Variants in INTS9 observed in about 807,000 individuals in gnomAD.
The protein encoded by INTS9 is integrator complex subunit 9.
A neutral mutation model predicts 79.7 loss-of-function variants in INTS9; 55 were observed. The ratio of observed to expected loss-of-function variants is 0.69; its 90% CI spans 0.56 to 0.86. The LOEUF (loss-of-function observed/expected upper bound fraction) is 0.86, where lower values mean the gene tolerates loss of function less well. INTS9 is among the 40% of genes least tolerant of loss of function. INTS9 has a pLI of 0.00. For missense variants in INTS9, 721 were observed against 831.5 expected, an observed-to-expected ratio of 0.87 and a Z score of 1.64; for synonymous variants, 319 against 325.2, an observed-to-expected ratio of 0.98 and a Z score of 0.20.
At chr8:28,777,119 CCT>C (rs1563242863) in intron 13 of INTS9, among the ~76,000 whole-genome samples, 5 of 152,142 alleles carry the variant, frequency 3.3e-5, no homozygotes, top group African/African-American at 9.7e-5. Context: ...TGTGAAAGGG[CCT>C]CTCTCATCCT....
intron 2 of INTS9, among the ~76,000 whole-genome samples, chr8:28,853,875 C>T (rs755053956): frequency 4.6e-5 from 7 of 151,398 alleles, no homozygotes; most frequent in Admixed American, 2.0e-4. Flanking sequence ...CCTGCCACCA[C>T]GCTCGGCTAA....
At chr8:28,812,500 C>A in intron 7 of INTS9, 39 bp from the exon 8 acceptor site, 1 of 1,590,074 alleles carries the variant, frequency 6.3e-7, no homozygotes, top group Non-Finnish European at 8.6e-7. Flanking sequence ...AATGAGCTTA[C>A]AGTGACAGTC....
Position 28,837,669 on chromosome 8 carries a change from C to T in INTS9, c.369G>A (p.Val123=), listed in dbSNP as rs1278413508. 3 of 1,613,682 alleles carry T rather than the reference C, an allele frequency of 1.9e-6. No individual in the cohort carries two copies. Among genetic ancestry groups the T allele is most frequent in the African/African-American group, 2.7e-5 (2 of 75,040 alleles). ...TCTGGACGGTGGGTTCCGTGGCATA[C>T]ACTGTGCCTGTGAAGCCGGTGTGCT... ...ITEHTGFTGT[V]YATEPTVQIG... Residue 123 remains valine, a synonymous_variant, in exon 5 of 17, where the codon GTG becomes GTA. Coordinates refer to ENST00000521022, the MANE Select transcript of INTS9 (RefSeq NM_018250.4).
intron 1 of INTS9, among the ~76,000 whole-genome samples, chr8:28,861,526 C>T (rs1808459789): frequency 6.6e-6 from 1 of 152,014 alleles, no homozygotes; most frequent in African/African-American, 2.4e-5. Flanking sequence ...GATTATTGTC[C>T]GATTTTCTTC....
intron 8 of INTS9, among the ~76,000 whole-genome samples, chr8:28,800,921 C>T (rs1804478322): frequency 1.3e-5 from 2 of 152,302 alleles, no homozygotes; most frequent in South Asian, 4.2e-4. Flanking sequence ...AACAAGATAG[C>T]AAGCGTGGAA....
chr8:28,883,326 C>T (rs1809997413), intron 1 of INTS9, among the ~76,000 whole-genome samples: 1 of 152,188 alleles, frequency 6.6e-6, no homozygotes, highest in African/African-American at 2.4e-5. Flanking sequence ...GTTCCCCTTT[C>T]TGGTCCATCT....
chr8:28,850,383 C>A, intron 2 of INTS9, 110 bp from the exon 3 acceptor site: 1 of 715,480 alleles, frequency 1.4e-6, no homozygotes. Context: ...AAATTACTGG[C>A]AGTAGTTCTT....
At chr8:28,844,472 G>A (rs1011966510) in intron 4 of INTS9, among the ~76,000 whole-genome samples, 8 of 152,052 alleles carry the variant, frequency 5.3e-5, no homozygotes, top group African/African-American at 1.2e-4. Flanking sequence ...CCAGGAAGGC[G>A]GAGGTTGCAG....
At chr8:28,799,338 A>T (rs1282727501) in intron 8 of INTS9, 1 of 152,352 alleles carries the variant, frequency 6.6e-6, no homozygotes, top group Middle Eastern at 3.2e-3. Flanking sequence ...CTCTAGAAAC[A>T]TTATCTCTGA....
chr8:28,780,831 A>G lies in INTS9; in HGVS notation c.1262T>C (p.Ile421Thr), dbSNP rs776186633. 1.3e-5 allele frequency: 21 copies of G among 1,613,974 alleles called. No individual in the cohort carries two copies. The African/African-American group carries it at 1.7e-4, about 13-fold the overall frequency. Residue 421 changes from isoleucine to threonine, a missense_variant, in exon 12 of 17, where the codon ATA becomes ACA. Transcript: ENST00000521022. The part of the protein sequence containing the change: ...LWGKSSLNTV[I>T]FTEPDFSYLE... ...TTATTTTTTTCACTTACCCGTGAAT[A>G]TGACGGTATTGAGACTAGATTTTCC...
intron 1 of INTS9, among the ~76,000 whole-genome samples, chr8:28,881,212 G>C (rs1809762087): frequency 6.8e-6 from 1 of 147,136 alleles, no homozygotes; most frequent in Non-Finnish European, 1.5e-5. Flanking sequence ...GAAGTGAGGA[G>C]CCCCTCTGCC....
intron 1 of INTS9, among the ~76,000 whole-genome samples, chr8:28,869,185 A>C (rs1442393874): frequency 1.3e-5 from 2 of 152,170 alleles, no homozygotes; most frequent in Non-Finnish European, 2.9e-5. Flanking sequence ...GCTTCCTTTA[A>C]AAAAAATATT....
At chr8:28,818,694 T>C (rs867199459) in intron 6 of INTS9, among the ~76,000 whole-genome samples, 16,118 of 151,556 alleles carry the variant, frequency 0.11, 1,119 homozygotes, top group Middle Eastern at 0.16. Flanking sequence ...ATTCCCTCTT[T>C]TTCTATTGAT....
chr8:28,864,426 G>A (rs1438589247), intron 1 of INTS9, among the ~76,000 whole-genome samples: 1 of 152,188 alleles, frequency 6.6e-6, no homozygotes, highest in Non-Finnish European at 1.5e-5. Context: ...CAGAAGAAAT[G>A]AGATACAAGA....
At chr8:28,777,695 A>C (rs1046005578) in intron 13 of INTS9, 134 bp downstream of exon 13, 1 of 1,010,138 alleles carries the variant, frequency 9.9e-7, no homozygotes, top group African/African-American at 1.7e-5. Context: ...CATGTGTCCC[A>C]GCATTCTGCA....
chr8:28,777,957 G>T lies in INTS9; in HGVS notation c.1271-4C>A. On this transcript the variant is annotated splice_polypyrimidine_tract_variant and splice_region_variant and intron_variant, in intron 12 of 16. Coordinates refer to ENST00000521022, the MANE Select transcript of INTS9 (RefSeq NM_018250.4). ...TCCAGGTAGGAGAAGTCTGGTTCTA[G>T]GGAAAGTACAAGAAAGAAATCTTAC... The T allele has an allele frequency of 6.2e-7, 1 of 1,604,392 alleles. No homozygotes were observed. Among genetic ancestry groups the T allele is most frequent in the South Asian group, 1.1e-5 (1 of 89,846 alleles).
intron 1 of INTS9, among the ~76,000 whole-genome samples, chr8:28,882,494 TA>T (rs1169421320): frequency 0.072 from 2,835 of 39,548 alleles, 131 homozygotes; most frequent in African/African-American, 0.22. Context: ...TAAAATAAAA[TA>T]AAAAAAAAAG....
At chr8:28,888,858 T>C (rs976424836) in intron 1 of INTS9, among the ~76,000 whole-genome samples, 1 of 152,142 alleles carries the variant, frequency 6.6e-6, no homozygotes, top group African/African-American at 2.4e-5. Context: ...AGGTGTGTTG[T>C]GTGGTTTGGC....
intron 1 of INTS9, among the ~76,000 whole-genome samples, chr8:28,873,126 T>C (rs1394934848): frequency 6.6e-6 from 1 of 152,238 alleles, no homozygotes; most frequent in Non-Finnish European, 1.5e-5. Flanking sequence ...TTTCTTTTAC[T>C]TAGTTCCTTG....
Sources: allele counts gnomAD v4.1 joint callset (sites outside exome capture counted in the v4.1 genomes callset), GRCh38; gene constraint gnomAD v4.1.1; transcripts MANE v1.5; gene names NCBI Gene and HGNC (gene_info 2026-07-23, HGNC 2026-07-21).